The following PCM1 variants were observed in gnomAD, a reference collection of about 807,000 sequenced individuals.
PCM1 encodes pericentriolar material 1 protein.
PCM1 carries 157 observed loss-of-function variants against 241.9 expected under a neutral mutation model. The ratio of observed to expected loss-of-function variants is 0.65; its 90% CI spans 0.57 to 0.74. The LOEUF (loss-of-function observed/expected upper bound fraction) is 0.74. Among genes scored for constraint, PCM1 ranks in the 30% least tolerant of loss-of-function variants. The pLI, the probability that PCM1 is intolerant of heterozygous loss-of-function variation, is 0.00. For missense variants in PCM1, 3,478 were observed against 2,360.1 expected (o/e 1.47, Z -9.81); for synonymous variants, 1,085 against 784.9 (o/e 1.38, Z -6.39).
At chr8:17,997,744 G>A (rs771958038) in intron 29 of PCM1, among the ~76,000 whole-genome samples, 15 of 151,284 alleles carry the variant, frequency 9.9e-5, no homozygotes, top group African/African-American at 3.2e-4. Flanking sequence ...CTGAATTCCC[G>A]GCCAGGTGCT....
At chr8:17,997,404 C>G (rs1009732472) in intron 29 of PCM1, among the ~76,000 whole-genome samples, 7 of 152,120 alleles carry the variant, frequency 4.6e-5, no homozygotes, top group Admixed American at 1.3e-4. Flanking sequence ...TTTTCTGTAA[C>G]CTTCTTGTAC....
At chr8:17,970,383 C>T (rs888693150) in intron 22 of PCM1, among the ~76,000 whole-genome samples, 1 of 150,724 alleles carries the variant, frequency 6.6e-6, no homozygotes, top group Non-Finnish European at 1.5e-5. Context: ...GTCTCAGGCT[C>T]TTATATTAGC....
intron 1 of PCM1, among the ~76,000 whole-genome samples, chr8:17,923,715 G>T (rs1300787081): frequency 6.6e-6 from 1 of 152,136 alleles, no homozygotes; most frequent in Non-Finnish European, 1.5e-5. Context: ...TGAGCTGCAG[G>T]ATTTCCGCCG....
At chr8:17,961,474 C>G (rs208061) in intron 15 of PCM1, among the ~76,000 whole-genome samples, 3 of 151,978 alleles carry the variant, frequency 2.0e-5, no homozygotes, top group African/African-American at 7.3e-5. Flanking sequence ...CCACGCCCGG[C>G]TAATTTTTTT....
intron 3 of PCM1, among the ~76,000 whole-genome samples, chr8:17,936,147 A>G (rs1355070171): frequency 1.3e-5 from 2 of 152,168 alleles, no homozygotes; most frequent in East Asian, 1.9e-4. Context: ...TTATGGGTGC[A>G]GTTATGTACT....
At chr8:18,019,457 T>G (rs2093585580) in intron 36 of PCM1, among the ~76,000 whole-genome samples, 1 of 152,166 alleles carries the variant, frequency 6.6e-6, no homozygotes, top group Admixed American at 6.5e-5. Context: ...CTATTATTAT[T>G]ACGTTATATA....
At chr8:18,022,736 A>G (rs1056494819) in intron 36 of PCM1, among the ~76,000 whole-genome samples, 2 of 152,292 alleles carry the variant, frequency 1.3e-5, no homozygotes, top group Middle Eastern at 3.4e-3. Flanking sequence ...TTTAACACCA[A>G]TTAGGGAGAC....
rs1273969576 is a variant in PCM1 at position 18,025,612 on chromosome 8, G to A, written c.6003G>A (p.Met2001Ile). 1 of 1,579,860 alleles carries A rather than the reference G, an allele frequency of 6.3e-7. No individual in the cohort carries two copies. The highest frequency in any genetic ancestry group is 1.2e-5 in the South Asian group (1 of 85,628). The change falls in exon 38 of 39, where the codon ATG becomes ATA. Residue 2001 changes from methionine (M) to isoleucine (I), a missense_variant. Met to Ile is a conservative substitution (Grantham distance 10). Transcript: ENST00000325083. ...ATTTATCTGGTGAAATATGTGAAAT[G>A]CAGACCGAAGAATTAGCTGGAAATT... is the stretch of plus-strand genomic sequence containing the variant. ...KNHLSGEICE[M>I]QTEELAGNSE...
rs767201209 is a variant in PCM1 at position 17,957,553 on chromosome 8, T to C, written c.1818T>C (p.Asn606=). The C allele has an allele frequency of 5.1e-6, 8 of 1,580,716 alleles. No homozygotes were observed. Among genetic ancestry groups the C allele is most frequent in the African/African-American group, 4.1e-5 (3 of 73,998 alleles). ...TGTTTTCAGCAGATTGTCGATATAATAGAGAAGGGGAACAGGAGATTCATG... is the reference window on the plus strand; with the variant it reads ...TGTTTTCAGCAGATTGTCGATATAACAGAGAAGGGGAACAGGAGATTCATG... The part of the protein sequence containing the change: ...NMPPSLDCRY[N]REGEQEIHVA... The change falls in exon 13 of 39, where the codon AAT becomes AAC. Residue 606 remains asparagine, a synonymous_variant. Coordinates refer to ENST00000325083, the MANE Select transcript of PCM1 (RefSeq NM_006197.4).
intron 29 of PCM1, among the ~76,000 whole-genome samples, chr8:18,001,996 T>C (rs1354230490): frequency 4.6e-4 from 3 of 6,536 alleles, no homozygotes; most frequent in Admixed American, 9.5e-4. Context: ...CTAACCTTTC[T>C]TTTTTTTTTT....
rs779310260 is a variant in PCM1, at chr8:18,027,663, G to A, written c.*1G>A. On this transcript the variant is annotated 3_prime_UTR_variant, in exon 39 of 39. Transcript: ENST00000325083. ...AACGGTGGGAGCCCAGAGTATATGA[G>A]ATGTCTTCAGAGGCTCATCTAACTC... The A allele has an allele frequency of 8.2e-6, 13 of 1,586,744 alleles. No homozygotes were observed. The highest frequency in any genetic ancestry group is 3.4e-5 in the South Asian group (3 of 87,516).
chr8:17,932,146 C>T (rs1052204719), intron 2 of PCM1, among the ~76,000 whole-genome samples: 2 of 152,110 alleles, frequency 1.3e-5, no homozygotes, highest in African/African-American at 4.8e-5. Flanking sequence ...TAGTATTCTA[C>T]CCAGCAAGTG....
chr8:17,966,995 A>G lies in PCM1; in HGVS notation c.3237A>G (p.Leu1079=), dbSNP rs1289905823. ...ATCTTTGTAGGTTGAAACAAATGCTAAATGAACTTATGCGCCAGCAAAATC... is the reference window on the plus strand; with the variant it reads ...ATCTTTGTAGGTTGAAACAAATGCTGAATGAACTTATGCGCCAGCAAAATC... ...QNNVQRLKQM[L]NELMRQQNQH... The change falls in exon 21 of 39, where the codon CTA becomes CTG. Residue 1079 remains leucine, a synonymous_variant. Coordinates refer to ENST00000325083, the MANE Select transcript of PCM1 (RefSeq NM_006197.4). The G allele has an allele frequency of 1.2e-6, 2 of 1,605,044 alleles. No homozygotes were observed. Among genetic ancestry groups the G allele is most frequent in the East Asian group, 2.2e-5 (1 of 44,670 alleles).
At chr8:17,976,772 G>A (rs1484038660) in intron 23 of PCM1, among the ~76,000 whole-genome samples, 2 of 151,372 alleles carry the variant, frequency 1.3e-5, no homozygotes, top group African/African-American at 2.4e-5. Flanking sequence ...TGGCATAGGC[G>A]ATAACATCCT....
At chr8:17,949,084 T>G (rs1303772481) in intron 7 of PCM1, among the ~76,000 whole-genome samples, 1 of 152,206 alleles carries the variant, frequency 6.6e-6, no homozygotes, top group African/African-American at 2.4e-5. Flanking sequence ...AGATAATTTC[T>G]TTTTAAAAAA....
Position 17,938,879 on chromosome 8 carries a change from C to A in PCM1, c.482C>A (p.Pro161Gln). ...NKSKDASTNPPNRETIGSAQC... is the reference protein window; with the variant it reads ...NKSKDASTNPQNRETIGSAQC... ...AGCAAAGATGCATCTACAAACCCCC[C>A]AAACAGAGAAACGATTGGATCAGCA... Residue 161 changes from proline to glutamine, a missense_variant, in exon 5 of 39, where the codon CCA (proline) becomes CAA (glutamine). Pro to Gln is a moderately conservative substitution (Grantham distance 76). Coordinates refer to ENST00000325083, the MANE Select transcript of PCM1 (RefSeq NM_006197.4). 1 of 1,613,724 alleles carries A rather than the reference C, an allele frequency of 6.2e-7. No homozygotes were observed. The highest frequency in any genetic ancestry group is 1.1e-5 in the South Asian group (1 of 91,078).
intron 5 of PCM1, 120 bp from the exon 6 acceptor site, chr8:17,939,571 A>C: frequency 4.0e-6 from 2 of 495,242 alleles, no homozygotes; most frequent in East Asian, 3.2e-5. Context: ...CAATAATCCA[A>C]GTGTCTTTGG....
At position 18,008,469 on chromosome 8, in the gene PCM1, A is replaced by G. The variant is rs571158680; in HGVS notation, c.4963-1078A>G. Among the ~76,000 whole-genome samples the G allele has an allele frequency of 2.9e-4, 44 of 152,196 alleles. 1 individual carries two copies. Among genetic ancestry groups the G allele is most frequent in the African/African-American group, 1.1e-3 (44 of 41,490 alleles). On this transcript the variant is annotated intron_variant, in intron 30 of 38. Transcript: ENST00000325083. Reference sequence around the variant, plus strand: ...GTGTAATAAAGGGCACAGTCAGTCAATGTAATGTGCTTGAATCATTCCGAA... The same window carrying G: ...GTGTAATAAAGGGCACAGTCAGTCAGTGTAATGTGCTTGAATCATTCCGAA...
chr8:17,927,092 A>G (rs2057275204), intron 2 of PCM1: 1 of 151,820 alleles, frequency 6.6e-6, no homozygotes, highest in South Asian at 2.1e-4. Flanking sequence ...CATTTGAGAA[A>G]AAAATAATTT....
Sources: gnomAD v4.1 joint callset for allele counts (sites outside exome capture counted in the v4.1 genomes callset) on GRCh38, gnomAD v4.1.1 for gene constraint, MANE v1.5 for transcripts, NCBI Gene and HGNC (gene_info 2026-07-23, HGNC 2026-07-21) for gene names.